The following ACER3 variants were observed in gnomAD, a reference collection of about 807,000 sequenced individuals.
ACER3 encodes alkCDase 3.
A neutral mutation model predicts 48.9 loss-of-function variants in ACER3; 16 were observed. The ratio of observed to expected loss-of-function variants is 0.33; its 90% confidence interval spans 0.22 to 0.50. The LOEUF (loss-of-function observed/expected upper bound fraction) is 0.50, where lower values mean the gene tolerates loss of function less well. Ranked by LOEUF, ACER3 falls within the 20% of genes least tolerant of loss-of-function variation. ACER3 has a pLI of 0.98. For synonymous variants in ACER3, 109 were observed against 107.8 expected (o/e 1.01, Z -0.07); for missense variants, 227 against 326.0 (o/e 0.70, Z 2.34).
intron 7 of ACER3, among the ~76,000 whole-genome samples, chr11:77,000,679 C>T (rs1949014743): frequency 6.6e-6 from 1 of 152,156 alleles, no homozygotes; most frequent in African/African-American, 2.4e-5. Context: ...ATCCTTTCTC[C>T]ATTGAATTGC....
intron 2 of ACER3, among the ~76,000 whole-genome samples, chr11:76,937,472 T>C (rs546767357): frequency 1.3e-5 from 2 of 152,274 alleles, no homozygotes; most frequent in South Asian, 2.1e-4. Context: ...CTTACAAAAA[T>C]TGGTTGAATA....
At chr11:76,900,331 G>C (rs1195098672) in intron 1 of ACER3, among the ~76,000 whole-genome samples, 3 of 152,212 alleles carry the variant, frequency 2.0e-5, no homozygotes, top group African/African-American at 7.2e-5. Context: ...GGTGGAAAGG[G>C]AGGCAGGAGA....
chr11:76,962,844 G>A (rs1166320714), intron 3 of ACER3, among the ~76,000 whole-genome samples: 1 of 151,434 alleles, frequency 6.6e-6, no homozygotes, highest in Non-Finnish European at 1.5e-5. Context: ...CTGGAAAAAG[G>A]TAGAGATTTA....
At chr11:77,013,761 T>C (rs985375560) in intron 7 of ACER3, among the ~76,000 whole-genome samples, 5 of 152,154 alleles carry the variant, frequency 3.3e-5, no homozygotes, top group Non-Finnish European at 5.9e-5. Flanking sequence ...CATATGTCTA[T>C]ATAAAGTGTT....
intron 1 of ACER3, among the ~76,000 whole-genome samples, chr11:76,890,298 T>C (rs929418443): frequency 6.6e-6 from 1 of 152,184 alleles, no homozygotes; most frequent in African/African-American, 2.4e-5. Flanking sequence ...TCTACTGTAT[T>C]GATAATACCT....
intron 4 of ACER3, among the ~76,000 whole-genome samples, chr11:76,984,157 T>G (rs1474096756): frequency 2.6e-5 from 4 of 152,120 alleles, no homozygotes; most frequent in African/African-American, 9.7e-5. Context: ...CTGGAAAACC[T>G]CCTTTATTTT....
At chr11:76,898,688 A>C (rs1435302118) in intron 1 of ACER3, among the ~76,000 whole-genome samples, 1 of 142,716 alleles carries the variant, frequency 7.0e-6, no homozygotes. Flanking sequence ...GCGGATGACG[A>C]GGTCAGGAGA....
chr11:76,980,820 G>A (rs111424314), intron 4 of ACER3, among the ~76,000 whole-genome samples: 70 of 152,242 alleles, frequency 4.6e-4, no homozygotes, highest in African/African-American at 1.3e-3. Context: ...TTGTTCCTTC[G>A]TTTGTAAAAG....
chr11:76,869,542 T>A (rs1218109197), intron 1 of ACER3, among the ~76,000 whole-genome samples: 1 of 152,228 alleles, frequency 6.6e-6, no homozygotes, highest in African/African-American at 2.4e-5. Context: ...TACAGTTCAG[T>A]AGTCAATAGT....
At chr11:76,991,252 G>C (rs768192664) in intron 6 of ACER3, among the ~76,000 whole-genome samples, 2 of 152,158 alleles carry the variant, frequency 1.3e-5, no homozygotes, top group Non-Finnish European at 2.9e-5. Flanking sequence ...TTATAACCTA[G>C]ATTTGTCTGA....
intron 1 of ACER3, among the ~76,000 whole-genome samples, chr11:76,917,341 A>G (rs1012933500): frequency 6.6e-6 from 1 of 152,192 alleles, no homozygotes; most frequent in African/African-American, 2.4e-5. Flanking sequence ...TGTAATGTAT[A>G]TTTTTAAAAA....
chr11:76,875,199 C>T (rs1945341776), intron 1 of ACER3, among the ~76,000 whole-genome samples: 1 of 141,256 alleles, frequency 7.1e-6, no homozygotes, highest in Admixed American at 7.5e-5. Flanking sequence ...GTGCAACCTC[C>T]ACCTCCTGGG....
chr11:76,873,633 T>C (rs1945298581), intron 1 of ACER3, among the ~76,000 whole-genome samples: 1 of 152,224 alleles, frequency 6.6e-6, no homozygotes, highest in Non-Finnish European at 1.5e-5. Context: ...TAGAGCTTAG[T>C]AGGTACTTGA....
intron 2 of ACER3, among the ~76,000 whole-genome samples, chr11:76,954,138 G>A (rs1947769037): frequency 6.6e-6 from 1 of 151,992 alleles, no homozygotes; most frequent in African/African-American, 2.4e-5. Context: ...GTAGAGACAG[G>A]GTTTCACCAT....
intron 2 of ACER3, among the ~76,000 whole-genome samples, chr11:76,952,295 T>C (rs1947693616): frequency 6.6e-6 from 1 of 150,658 alleles, no homozygotes; most frequent in African/African-American, 2.4e-5. Flanking sequence ...AGTCTCTCCC[T>C]GTCGCCTAAG....
chr11:76,979,841 A>T (rs12793855), intron 4 of ACER3, among the ~76,000 whole-genome samples: 41 of 14,602 alleles, frequency 2.8e-3, no homozygotes, highest in East Asian at 1.6e-3. Flanking sequence ...ACATTTTATT[A>T]AAAAAAAAAC....
chr11:76,912,217 G>T (rs1268945953), intron 1 of ACER3, among the ~76,000 whole-genome samples: 1 of 152,106 alleles, frequency 6.6e-6, no homozygotes, highest in African/African-American at 2.4e-5. Flanking sequence ...GACATAGAGA[G>T]TAGAAGGCAA....
intron 2 of ACER3, among the ~76,000 whole-genome samples, chr11:76,947,537 T>C (rs1257781266): frequency 6.6e-6 from 1 of 152,262 alleles, no homozygotes; most frequent in Non-Finnish European, 1.5e-5. Context: ...AATAGACTTT[T>C]AAATTGTAGC....
intron 2 of ACER3, among the ~76,000 whole-genome samples, chr11:76,933,602 A>G (rs1184843812): frequency 6.6e-6 from 1 of 152,016 alleles, no homozygotes; most frequent in Non-Finnish European, 1.5e-5. Context: ...GTTGGGGGTA[A>G]GGTCATAGAT....
Sources: gnomAD v4.1 joint callset for allele counts (sites outside exome capture counted in the v4.1 genomes callset) on GRCh38, gnomAD v4.1.1 for gene constraint, MANE v1.5 for transcripts, NCBI Gene and HGNC (gene_info 2026-07-23, HGNC 2026-07-21) for gene names.